ROBO2: variants seen among roughly 807,000 people sequenced by gnomAD.
ROBO2 encodes roundabout homolog 2.
ROBO2 carries 53 observed loss-of-function variants against 160.8 expected under a neutral mutation model. The observed-to-expected ratio is 0.33, with a 90% CI of 0.26 to 0.41. The LOEUF is 0.41. Among genes scored for constraint, ROBO2 ranks in the 10% least tolerant of loss-of-function variants. The probability of loss-of-function intolerance (pLI) is 1.00; values close to 1 mark genes in which losing one functional copy is unlikely to be tolerated. For synonymous variants in ROBO2, 664 were observed against 611.7 expected (o/e 1.09, Z -1.26); for missense variants, 1,577 against 1,722.4 (o/e 0.92, Z 1.49).
intron 8 of ROBO2, among the ~76,000 whole-genome samples, chr3:77,555,996 C>A (rs777890665): frequency 6.6e-6 from 1 of 151,800 alleles, no homozygotes; most frequent in Non-Finnish European, 1.5e-5. Context: ...TGACCTTTGG[C>A]TGCATCTAAT....
chr3:76,873,263 A>G (rs2072315370), intron 2 of ROBO2, among the ~76,000 whole-genome samples: 1 of 152,188 alleles, frequency 6.6e-6, no homozygotes. Context: ...TATTTTAATT[A>G]TTTCAGAACC....
intron 2 of ROBO2, among the ~76,000 whole-genome samples, chr3:76,467,580 T>C (rs1454682396): frequency 6.6e-6 from 1 of 152,104 alleles, no homozygotes; most frequent in Non-Finnish European, 1.5e-5. Context: ...GCCAGACAAT[T>C]TAACAGCCAG....
intron 2 of ROBO2, among the ~76,000 whole-genome samples, chr3:76,197,235 G>A (rs557307941): frequency 6.4e-4 from 95 of 148,604 alleles, no homozygotes; most frequent in Middle Eastern, 3.4e-3. Flanking sequence ...TCCTTTTGGG[G>A]AGTGATAATC....
intron 2 of ROBO2, among the ~76,000 whole-genome samples, chr3:76,594,946 A>G (rs140693716): frequency 6.6e-6 from 1 of 152,162 alleles, no homozygotes; most frequent in Non-Finnish European, 1.5e-5. Context: ...TTGAAGCCCA[A>G]ATCCCCATTG....
At chr3:76,173,690 G>A (rs2073124739) in intron 2 of ROBO2, among the ~76,000 whole-genome samples, 3 of 151,986 alleles carry the variant, frequency 2.0e-5, no homozygotes, top group Admixed American at 1.3e-4. Flanking sequence ...AAGGACATGA[G>A]CTCATTCTTT....
At chr3:76,112,726 A>AT (rs1384585309) in intron 2 of ROBO2, among the ~76,000 whole-genome samples, 1 of 152,032 alleles carries the variant, frequency 6.6e-6, no homozygotes, top group Non-Finnish European at 1.5e-5. Flanking sequence ...TTCTCAAATG[A>AT]TTTTTAAATA....
chr3:76,590,671 A>T (rs989310787), intron 2 of ROBO2, among the ~76,000 whole-genome samples: 1 of 152,182 alleles, frequency 6.6e-6, no homozygotes, highest in African/African-American at 2.4e-5. Flanking sequence ...TTCTTAGATC[A>T]TAATCTAAGG....
intron 2 of ROBO2, among the ~76,000 whole-genome samples, chr3:76,700,182 C>CA (rs1233998388): frequency 6.6e-6 from 1 of 152,044 alleles, no homozygotes. Flanking sequence ...TCTTCTTATT[C>CA]TTTCTGTCAT....
chr3:77,293,742 G>C, intron 2 of ROBO2, among the ~76,000 whole-genome samples: 1 of 142,120 alleles, frequency 7.0e-6, no homozygotes. Flanking sequence ...AAACGGGTAA[G>C]CTGAGGCTAG....
chr3:77,558,114 C>A, exon 9 of ROBO2: 1 of 1,613,062 alleles, frequency 6.2e-7, no homozygotes, highest in Non-Finnish European at 8.5e-7. Context: ...AGCAACAATT[C>A]AAGAGCAAGG....
intron 2 of ROBO2, among the ~76,000 whole-genome samples, chr3:76,129,652 G>T (rs545708463): frequency 7.0e-4 from 106 of 152,080 alleles, no homozygotes; most frequent in African/African-American, 2.5e-3. Context: ...TAAATGAAAG[G>T]GTTTATGTGC....
intron 2 of ROBO2, among the ~76,000 whole-genome samples, chr3:76,630,041 C>T (rs541664805): frequency 5.9e-5 from 9 of 152,270 alleles, no homozygotes; most frequent in Admixed American, 1.3e-4. Flanking sequence ...GCTGCCTCCC[C>T]GCTTGGCTGA....
intron 12 of ROBO2, 112 bp from the exon 14 acceptor site, chr3:77,568,201 G>A (rs989771645): frequency 1.6e-5 from 20 of 1,267,740 alleles, no homozygotes; most frequent in South Asian, 9.0e-5. Flanking sequence ...GAGAGTTTTC[G>A]TTTTGTTTCC....
intron 4 of ROBO2, among the ~76,000 whole-genome samples, chr3:77,482,231 A>G (rs1428338148): frequency 1.3e-5 from 2 of 152,106 alleles, no homozygotes; most frequent in African/African-American, 4.8e-5. Flanking sequence ...GTAGCGGTAA[A>G]ATAATCCTCT....
rs1055234072 is a variant in ROBO2 at position 77,333,267 on chromosome 3, G to A, written c.389-144147G>A. 3.3e-5 allele frequency among the ~76,000 whole-genome samples: 5 copies of A among 152,042 alleles called. No individual in the cohort carries two copies. The East Asian group carries it at 5.8e-4, about 18-fold the overall frequency. On this transcript the variant is annotated intron_variant, in intron 2 of 25. Transcript: ENST00000461745. ...AACCATGCATTCTTAAGATGATGTC[G>A]CAGACACCTTAATTAAACCTGGGTG...
At chr3:77,079,714 G>T (rs554790181) in intron 1 of ROBO2, among the ~76,000 whole-genome samples, 1 of 152,074 alleles carries the variant, frequency 6.6e-6, no homozygotes, top group Non-Finnish European at 1.5e-5. Flanking sequence ...AGGTAGTGCC[G>T]TCCAGTTTGC....
chr3:76,477,093 G>A lies in ROBO2; in HGVS notation c.109+539491G>A, dbSNP rs79430888. On this transcript the variant is annotated intron_variant, in intron 2 of 26. Coordinates refer to the ROBO2 transcript ENST00000487694. ...AAATGATCCTGTCTACTCCGTGGAG[G>A]TGTCTATGAAAATAAACCACAGGAA... Among the ~76,000 whole-genome samples, 970 of 152,220 alleles carry A rather than the reference G, an allele frequency of 6.4e-3. 11 individuals carry two copies. The highest frequency in any genetic ancestry group is 0.021 in the African/African-American group (868 of 41,542).
At chr3:76,085,443 A>G (rs1167870029) in intron 2 of ROBO2, among the ~76,000 whole-genome samples, 2 of 152,304 alleles carry the variant, frequency 1.3e-5, no homozygotes, top group East Asian at 3.9e-4. Flanking sequence ...GCATATCTTT[A>G]TCTTTTAAAT....
chr3:77,329,769 G>A (rs1310064539), intron 2 of ROBO2, among the ~76,000 whole-genome samples: 1 of 152,164 alleles, frequency 6.6e-6, no homozygotes, highest in Non-Finnish European at 1.5e-5. Context: ...TAATTCGTTA[G>A]AATACACTGA....
Sources: allele counts gnomAD v4.1 joint callset (sites outside exome capture counted in the v4.1 genomes callset), GRCh38; gene constraint gnomAD v4.1.1; transcripts MANE v1.5; gene names NCBI Gene and HGNC (gene_info 2026-07-23, HGNC 2026-07-21).